ENTREP2: variants seen among roughly 807,000 people sequenced by gnomAD.
ENTREP2 encodes the protein protein ENTREP2.
the ENTREP2 span, among the ~76,000 whole-genome samples, chr15:29,144,230 A>G: frequency 6.6e-6 from 1 of 152,214 alleles, no homozygotes; most frequent in Admixed American, 6.5e-5. Flanking sequence ...ACACACATAC[A>G]CATGCAAACA....
the ENTREP2 span, among the ~76,000 whole-genome samples, chr15:29,437,613 G>T: frequency 5.3e-5 from 8 of 152,176 alleles, no homozygotes; most frequent in African/African-American, 1.4e-4. Context: ...TTCTCTTGTC[G>T]ATTGTAATCA....
the ENTREP2 span, among the ~76,000 whole-genome samples, chr15:29,282,892 G>A: frequency 2.1e-3 from 322 of 152,218 alleles, no homozygotes; most frequent in African/African-American, 7.5e-3. Flanking sequence ...TGAAAGCCTC[G>A]GGCCAACCAG....
the ENTREP2 span, among the ~76,000 whole-genome samples, chr15:29,658,113 A>G: frequency 2.0e-5 from 3 of 152,296 alleles, no homozygotes; most frequent in African/African-American, 7.2e-5. Context: ...TAATTTCCAT[A>G]ATCCCCACAT....
At chr15:29,338,057 C>CTATATCATCATACATGTACG in the ENTREP2 span, among the ~76,000 whole-genome samples, 1 of 152,056 alleles carries the variant, frequency 6.6e-6, no homozygotes, top group Admixed American at 6.5e-5. Context: ...TCATATGTAT[C>CTATATCATCATACATGTACG]TATATCATCA....
the ENTREP2 span, among the ~76,000 whole-genome samples, chr15:29,324,263 T>G: frequency 6.6e-6 from 1 of 152,016 alleles, no homozygotes; most frequent in Non-Finnish European, 1.5e-5. Context: ...CTAGCTATTT[T>G]TTTATTTTTA....
chr15:29,360,797 C>T, the ENTREP2 span, among the ~76,000 whole-genome samples: 1 of 152,202 alleles, frequency 6.6e-6, no homozygotes, highest in African/African-American at 2.4e-5. Flanking sequence ...GTCCCTATCA[C>T]TCCTCTGGTC....
chr15:29,120,437 G>A, the ENTREP2 span: 5 of 152,232 alleles, frequency 3.3e-5, no homozygotes, highest in African/African-American at 7.2e-5. Context: ...TGTGTGTAGC[G>A]AGCTTTCTGT....
At chr15:29,381,196 C>A in the ENTREP2 span, among the ~76,000 whole-genome samples, 12 of 148,716 alleles carry the variant, frequency 8.1e-5, no homozygotes, top group Non-Finnish European at 1.6e-4. Flanking sequence ...GTGGCTCATG[C>A]CTGTAATCCC....
chr15:29,304,332 A>G, the ENTREP2 span, among the ~76,000 whole-genome samples: 1 of 152,172 alleles, frequency 6.6e-6, no homozygotes, highest in East Asian at 1.9e-4. Context: ...AAATTAAGAG[A>G]ATGTACATTC....
chr15:29,664,855 G>T, the ENTREP2 span, among the ~76,000 whole-genome samples: 2 of 152,224 alleles, frequency 1.3e-5, no homozygotes, highest in Non-Finnish European at 2.9e-5. Context: ...CTGCCAGAGA[G>T]AAATCTCAAA....
the ENTREP2 span, among the ~76,000 whole-genome samples, chr15:29,346,690 A>C: frequency 6.6e-6 from 1 of 152,208 alleles, no homozygotes; most frequent in Non-Finnish European, 1.5e-5. Context: ...CTTCCCTCTC[A>C]TCTTTAATTA....
At chr15:29,584,193 AT>A in the ENTREP2 span, among the ~76,000 whole-genome samples, 4 of 41,196 alleles carry the variant, frequency 9.7e-5, no homozygotes, top group African/African-American at 1.8e-4. Flanking sequence ...TACAGTAAAC[AT>A]GTATTTGTAA....
chr15:29,155,856 G>A, the ENTREP2 span, among the ~76,000 whole-genome samples: 1 of 152,046 alleles, frequency 6.6e-6, no homozygotes, highest in Non-Finnish European at 1.5e-5. Flanking sequence ...TAAATCCAAT[G>A]TCCTGCTACT....
At chr15:29,339,904 C>T in the ENTREP2 span, among the ~76,000 whole-genome samples, 1 of 152,242 alleles carries the variant, frequency 6.6e-6, no homozygotes, top group African/African-American at 2.4e-5. Flanking sequence ...CCATGGCCAT[C>T]CCTCCGCCTT....
the ENTREP2 span, among the ~76,000 whole-genome samples, chr15:29,272,630 A>G: frequency 6.6e-6 from 1 of 152,174 alleles, no homozygotes; most frequent in South Asian, 2.1e-4. Flanking sequence ...CAGACACTTC[A>G]AGGGAGGGCA....
At chr15:29,382,895 G>A in the ENTREP2 span, among the ~76,000 whole-genome samples, 1 of 152,248 alleles carries the variant, frequency 6.6e-6, no homozygotes, top group Non-Finnish European at 1.5e-5. Flanking sequence ...CTTCTCCCAA[G>A]GTTCCCCAGC....
chr15:29,177,574 G>A, the ENTREP2 span, among the ~76,000 whole-genome samples: 3 of 152,178 alleles, frequency 2.0e-5, no homozygotes, highest in Non-Finnish European at 4.4e-5. Flanking sequence ...GAGATGAAAA[G>A]AGGAAGATAG....
the ENTREP2 span, among the ~76,000 whole-genome samples, chr15:29,206,654 C>T: frequency 2.2e-4 from 33 of 151,928 alleles, no homozygotes; most frequent in Non-Finnish European, 4.7e-4. Flanking sequence ...GGGGCCAATC[C>T]GGGGTGCGAC....
chr15:29,548,454 A>AAAAAAT, the ENTREP2 span, among the ~76,000 whole-genome samples: 1 of 49,736 alleles, frequency 2.0e-5, no homozygotes. Context: ...GATTCTGCCT[A>AAAAAAT]AAAAAAAAAA....
Sources: gnomAD v4.1 joint callset for allele counts (sites outside exome capture counted in the v4.1 genomes callset) on GRCh38, gnomAD v4.1.1 for gene constraint, MANE v1.5 for transcripts, NCBI Gene and HGNC (gene_info 2026-07-23, HGNC 2026-07-21) for gene names.